DNAH14: variants seen among roughly 807,000 people sequenced by gnomAD.
DNAH14 encodes axonemal beta dynein heavy chain 14.
A neutral mutation model predicts 520.9 loss-of-function variants in DNAH14; 478 were observed. The ratio of observed to expected loss-of-function variants is 0.92; its 90% confidence interval spans 0.85 to 0.99. The LOEUF is 0.99. DNAH14 is among the 50% of genes least tolerant of loss of function. The pLI, the probability that DNAH14 is intolerant of heterozygous loss-of-function variation, is 0.00. For missense variants in DNAH14, 4,831 were observed against 5,234.5 expected (o/e 0.92, Z 2.38); for synonymous variants, 1,581 against 1,757.2 (o/e 0.90, Z 2.51).
In DNAH14 at chr1:225,303,197, T is replaced by G; in HGVS notation, c.8673T>G (p.Pro2891=). Reference sequence around the variant, plus strand: ...TTCATATTTTTGTGATCATGAGTCCTGAAGGACCTAGCTTCCGCCAAAATT... The same window carrying G: ...TTCATATTTTTGTGATCATGAGTCCGGAAGGACCTAGCTTCCGCCAAAATT... The part of the protein sequence containing the change: ...KNLHIFVIMS[P]EGPSFRQNCR... Residue 2891 remains proline (P), a synonymous_variant, in exon 57 of 86, where the codon CCT becomes CCG. Transcript: ENST00000682510. 1 of 1,529,698 alleles carries G rather than the reference T, an allele frequency of 6.5e-7. No homozygotes were observed. Among genetic ancestry groups the G allele is most frequent in the Non-Finnish European group, 8.8e-7 (1 of 1,138,990 alleles). The allele number at this position is 1,529,698 out of a possible 1,614,324, so 94.8% of individuals were successfully genotyped here.
intron 7 of DNAH14, among the ~76,000 whole-genome samples, chr1:224,971,815 A>AT (rs751395752): frequency 6.6e-6 from 1 of 152,110 alleles, no homozygotes; most frequent in Non-Finnish European, 1.5e-5. Flanking sequence ...TGGTTCTGTT[A>AT]TTTTCTGGGA....
chr1:225,319,249 A>T (rs1325511218), intron 61 of DNAH14, among the ~76,000 whole-genome samples: 1 of 152,218 alleles, frequency 6.6e-6, no homozygotes, highest in African/African-American at 2.4e-5. Flanking sequence ...TAATGATTGA[A>T]GAGAATACAT....
Position 225,265,281 on chromosome 1 carries a change from A to G in DNAH14, c.7322A>G (p.Asn2441Ser), listed in dbSNP as rs76767146. The G allele has an allele frequency of 0.064, 98,619 of 1,544,406 alleles. 3,496 individuals are homozygous for G. Among genetic ancestry groups the G allele is most frequent in the Non-Finnish European group, 0.071 (81,506 of 1,144,724 alleles). The part of the protein sequence containing the change: ...VVVSTINFST[N>S]VTAAKTKEMI... ...GTCTCTACAATAAATTTTAGCACCA[A>G]TGTAACAGCTGCCAAAACCAAGGAG... Residue 2441 changes from asparagine to serine, a missense_variant, in exon 48 of 86, where the codon AAT becomes AGT. Transcript: ENST00000682510.
chr1:224,995,438 T>TG (rs2063334426), intron 8 of DNAH14, among the ~76,000 whole-genome samples: 1 of 152,118 alleles, frequency 6.6e-6, no homozygotes, highest in African/African-American at 2.4e-5. Context: ...GATTTTTTTT[T>TG]GTATATGATC....
At chr1:225,121,922 T>C (rs1183557277) in intron 26 of DNAH14, among the ~76,000 whole-genome samples, 1 of 151,902 alleles carries the variant, frequency 6.6e-6, no homozygotes, top group Non-Finnish European at 1.5e-5. Context: ...AATGTACAAG[T>C]ACATTCATCA....
chr1:224,942,051 A>G (rs553404590), intron 1 of DNAH14, among the ~76,000 whole-genome samples: 135 of 152,268 alleles, frequency 8.9e-4, no homozygotes, highest in Non-Finnish European at 1.3e-3. Flanking sequence ...GAAGAAAGTC[A>G]TTGGTAGCTT....
chr1:225,348,076 T>C (rs2095313820), intron 71 of DNAH14, among the ~76,000 whole-genome samples: 1 of 151,684 alleles, frequency 6.6e-6, no homozygotes, highest in Admixed American at 6.6e-5. Context: ...ATGCAAAAAC[T>C]GAACTGAAAA....
intron 11 of DNAH14, among the ~76,000 whole-genome samples, chr1:225,029,921 A>C (rs574979250): frequency 6.6e-6 from 1 of 152,114 alleles, no homozygotes; most frequent in Non-Finnish European, 1.5e-5. Context: ...TATAAAATCA[A>C]CTAATCCTAA....
chr1:225,317,141 A>G (rs2094482454), intron 60 of DNAH14, among the ~76,000 whole-genome samples: 1 of 152,184 alleles, frequency 6.6e-6, no homozygotes, highest in South Asian at 2.1e-4. Context: ...CCTCATTATA[A>G]CAGTGTTTTC....
At chr1:225,032,502 T>A (rs1397832813) in intron 11 of DNAH14, among the ~76,000 whole-genome samples, 1 of 152,168 alleles carries the variant, frequency 6.6e-6, no homozygotes, top group African/African-American at 2.4e-5. Flanking sequence ...ATAGGTTGAT[T>A]CCATATCTTT....
At chr1:225,085,261 A>G (rs903363201) in intron 20 of DNAH14, among the ~76,000 whole-genome samples, 6 of 152,202 alleles carry the variant, frequency 3.9e-5, no homozygotes, top group Admixed American at 2.0e-4. Flanking sequence ...TACCATCTAC[A>G]CATATACAGA....
At chr1:225,056,068 G>A (rs1283258744) in intron 17 of DNAH14, among the ~76,000 whole-genome samples, 1 of 151,844 alleles carries the variant, frequency 6.6e-6, no homozygotes, top group East Asian at 1.9e-4. Context: ...GGATGCCTGG[G>A]TCAAACGGTA....
At chr1:225,292,249 C>T (rs1035737909) in intron 55 of DNAH14, among the ~76,000 whole-genome samples, 3 of 152,042 alleles carry the variant, frequency 2.0e-5, no homozygotes, top group Admixed American at 6.6e-5. Context: ...ACATTTAGCT[C>T]TTTAATTAAT....
At chr1:225,034,394 T>C (rs1558742691) in intron 11 of DNAH14, among the ~76,000 whole-genome samples, 1 of 152,168 alleles carries the variant, frequency 6.6e-6, no homozygotes, top group Non-Finnish European at 1.5e-5. Context: ...CAACCTTGGA[T>C]CCTGGGGATG....
chr1:225,335,129 ATGTGCATGTGCACATGTGTACATG>A (rs1411231800), intron 66 of DNAH14, among the ~76,000 whole-genome samples: 1 of 142,438 alleles, frequency 7.0e-6, no homozygotes, highest in African/African-American at 2.7e-5. Context: ...ATGTGTACAT[ATGTGCATGTGCACATGTGTACATG>A]TGTGCATGTG....
intron 79 of DNAH14, among the ~76,000 whole-genome samples, chr1:225,379,242 T>C (rs988167883): frequency 9.2e-5 from 14 of 152,212 alleles, no homozygotes; most frequent in Admixed American, 7.2e-4. Context: ...CTCTTTTTCA[T>C]TGTCTTGCAG....
At position 225,078,859 on chromosome 1, in the gene DNAH14, CCTCTCTCT is replaced by C. The variant is rs752732306; in HGVS notation, c.2425-316_2425-309del. On this transcript the variant is annotated intron_variant, in intron 17 of 85. Transcript: ENST00000682510. ...CTCTCTCTCCCTCTCTCTCTCTCTC[CCTCTCTCT>C]CTCTCTCTCTCTCTCTCTCTCTCTC... Among the ~76,000 whole-genome samples the C allele has an allele frequency of 1.9e-3, 36 of 19,000 alleles. No individual in the cohort carries two copies. In the East Asian group the frequency reaches 0.026, roughly 14 times the overall value. 12.5% of individuals were successfully genotyped at this position (19,000 alleles called of 152,430 possible).
intron 44 of DNAH14, among the ~76,000 whole-genome samples, chr1:225,253,017 C>T (rs1251735571): frequency 6.6e-6 from 1 of 151,986 alleles, no homozygotes; most frequent in African/African-American, 2.4e-5. Flanking sequence ...AATTGAATTG[C>T]TTTGAAGTCA....
chr1:224,932,677 T>G (rs1340148797), intron 1 of DNAH14, among the ~76,000 whole-genome samples: 1 of 152,190 alleles, frequency 6.6e-6, no homozygotes, highest in Non-Finnish European at 1.5e-5. Context: ...CATCATTTAT[T>G]GAAAAGGGTA....
Sources: allele counts gnomAD v4.1 joint callset (sites outside exome capture counted in the v4.1 genomes callset), GRCh38; gene constraint gnomAD v4.1.1; transcripts MANE v1.5; gene names NCBI Gene and HGNC (gene_info 2026-07-23, HGNC 2026-07-21).